THAP6: variants seen among roughly 807,000 people sequenced by gnomAD.
The protein encoded by THAP6 is THAP domain-containing protein 6.
A neutral mutation model predicts 20.0 loss-of-function variants in THAP6; 13 were observed. The observed-to-expected ratio is 0.65, with a 90% CI of 0.42 to 1.03. The LOEUF is 1.03. THAP6 is among the 50% of genes least tolerant of loss of function. The probability of loss-of-function intolerance (pLI) is 0.00; values close to 1 mark genes in which losing one functional copy is unlikely to be tolerated. For synonymous variants in THAP6, 93 were observed against 92.2 expected (o/e 1.01, Z -0.05); for missense variants, 262 against 261.6 (o/e 1.00, Z -0.01).
intron 2 of THAP6, chr4:75,542,348 T>C: frequency 2.9e-6 from 2 of 686,556 alleles, no homozygotes; most frequent in Non-Finnish European, 5.3e-6. Context: ...TATTGCATGC[T>C]CTAATAGAGC....
At chr4:75,533,010 T>G (rs1051172031), downstream of THAP6, among the ~76,000 whole-genome samples, 2 of 152,224 alleles carry the variant, frequency 1.3e-5, no homozygotes, top group African/African-American at 4.8e-5. Flanking sequence ...CCTCATTACT[T>G]ACGCAAGTTT....
At chr4:75,533,547 G>T (rs1395834104), downstream of THAP6, among the ~76,000 whole-genome samples, 1 of 152,118 alleles carries the variant, frequency 6.6e-6, no homozygotes, top group African/African-American at 2.4e-5. Flanking sequence ...CCAATTTGCT[G>T]TATTAGTCCA....
intron 2 of THAP6, among the ~76,000 whole-genome samples, chr4:75,537,183 A>G (rs1175188326): frequency 6.6e-6 from 1 of 152,044 alleles, no homozygotes; most frequent in Admixed American, 6.6e-5. Context: ...TCAGAAGTCT[A>G]GGGGGGGCAC....
At chr4:75,533,074 G>A (rs568724483), downstream of THAP6, among the ~76,000 whole-genome samples, 1 of 152,286 alleles carries the variant, frequency 6.6e-6, no homozygotes, top group South Asian at 2.1e-4. Flanking sequence ...TTTATTGCAA[G>A]TTGGGCTGCA....
chr4:75,545,301 T>C (rs961109518), intron 3 of THAP6, among the ~76,000 whole-genome samples: 4 of 152,166 alleles, frequency 2.6e-5, no homozygotes, highest in Non-Finnish European at 4.4e-5. Context: ...CTTGTTGACG[T>C]GGGCATTACT....
intron 3 of THAP6, chr4:75,517,823 G>A (rs1725760367): frequency 6.6e-6 from 1 of 152,230 alleles, no homozygotes; most frequent in South Asian, 2.1e-4. Context: ...ATATTCCCAT[G>A]GGTTGGCTGC....
Position 75,526,995 on chromosome 4 carries a change from A to T in THAP6, c.450A>T (p.Lys150Asn), listed in dbSNP as rs1726413644. Residue 150 changes from lysine (K) to asparagine (N), a missense_variant, in exon 5 of 5, where the codon AAA (lysine) becomes AAT (asparagine). By Grantham distance (94) the Lys-to-Asn change is moderately conservative. Transcript: ENST00000311638. ...HSYSVMDSPK[K>N]LKHKLDHVIG... ...ACAGTGTAATGGACAGTCCAAAGAAACTTAAGCATAAATTAGATCATGTGA... is the reference window on the plus strand; with the variant it reads ...ACAGTGTAATGGACAGTCCAAAGAATCTTAAGCATAAATTAGATCATGTGA... 6.2e-7 allele frequency: 1 copy of T among 1,614,118 alleles called. No individual in the cohort carries two copies. The highest frequency in any genetic ancestry group is 1.3e-5 in the African/African-American group (1 of 75,068).
intron 2 of THAP6, chr4:75,539,988 C>T: frequency 2.6e-6 from 4 of 1,531,390 alleles, no homozygotes; most frequent in Middle Eastern, 1.7e-4. Flanking sequence ...AAATAATCTT[C>T]CCTCTCTTGT....
At chr4:75,515,404 T>C in intron 1 of THAP6, 29 bp from the exon 2 acceptor site, 1 of 1,585,318 alleles carries the variant, frequency 6.3e-7, no homozygotes, top group Non-Finnish European at 8.7e-7. Flanking sequence ...TTCCGGTTAC[T>C]AACTCTTAAC....
chr4:75,528,052 A>G lies in THAP6; in HGVS notation c.*838A>G, dbSNP rs1726490088. The G allele has an allele frequency of 2.0e-6, 2 of 984,448 alleles. No homozygotes were observed. Among genetic ancestry groups the G allele is most frequent in the African/African-American group, 3.5e-5 (2 of 57,230 alleles). 61.0% of individuals were successfully genotyped at this position (984,448 alleles called of 1,614,324 possible). A position where few individuals can be genotyped will look rare whatever the true frequency, so the allele number is the denominator to read the frequency against. On this transcript the variant is annotated 3_prime_UTR_variant, in exon 5 of 5. Coordinates refer to ENST00000311638, the MANE Select transcript of THAP6 (RefSeq NM_144721.6). ...TAATACTGCTTTGTATTTTATATGT[A>G]AAGTAGTATTGCTGACATTTTAAAA...
At chr4:75,514,258 G>T, upstream of THAP6, 1 of 1,612,662 alleles carries the variant, frequency 6.2e-7, no homozygotes, top group Non-Finnish European at 8.5e-7. Context: ...TTGACCGCTG[G>T]CGCCATCTTC....
chr4:75,517,233 G>T (rs761947643), intron 3 of THAP6: 1 of 329,678 alleles, frequency 3.0e-6, no homozygotes, highest in Non-Finnish European at 5.6e-6. Flanking sequence ...GGCCAGGCTG[G>T]TCTTGAACTC....
At chr4:75,518,902 CT>C (rs79537921) in intron 3 of THAP6, among the ~76,000 whole-genome samples, 13,414 of 152,026 alleles carry the variant, frequency 0.088, 973 homozygotes, top group African/African-American at 0.18. Context: ...TAGAACATCA[CT>C]TTTTTTTAAC....
upstream of THAP6, chr4:75,514,314 G>T: frequency 6.3e-7 from 1 of 1,599,610 alleles, no homozygotes; most frequent in Admixed American, 1.7e-5. Flanking sequence ...ACATTCCACC[G>T]ATCCTTCCCC....
chr4:75,530,863 G>C (rs1297985787), downstream of THAP6, among the ~76,000 whole-genome samples: 1 of 152,146 alleles, frequency 6.6e-6, no homozygotes, highest in Non-Finnish European at 1.5e-5. Flanking sequence ...CTGTCATCTT[G>C]CAGGGTCTGT....
intron 4 of THAP6, among the ~76,000 whole-genome samples, chr4:75,526,057 G>C (rs79693330): frequency 0.088 from 13,444 of 152,172 alleles, 977 homozygotes; most frequent in African/African-American, 0.18. Flanking sequence ...TGGATGTTTT[G>C]CACTACCTCC....
Position 75,529,065 on chromosome 4 carries a change from C to G in THAP6, c.*1851C>G. 1 of 941,486 alleles carries G rather than the reference C, an allele frequency of 1.1e-6. No individual in the cohort carries two copies. Among genetic ancestry groups the G allele is most frequent in the Non-Finnish European group, 1.3e-6 (1 of 790,106 alleles). The allele number at this position is 941,486 out of a possible 1,614,324, so 58.3% of individuals were successfully genotyped here. A position where few individuals can be genotyped will look rare whatever the true frequency, so the allele number is the denominator to read the frequency against. On this transcript the variant is annotated 3_prime_UTR_variant, in exon 5 of 5. Transcript: ENST00000311638. ...AAGACTCCATCTCAAAAAAACAAAA[C>G]TACTTTCATTAATTACCCATTATTT...
At chr4:75,515,114 C>T (rs1011356337) in intron 1 of THAP6, 8 of 212,368 alleles carry the variant, frequency 3.8e-5, no homozygotes, top group Non-Finnish European at 4.0e-5. Flanking sequence ...CGATGCAAGC[C>T]GAGGGCTGAA....
At chr4:75,525,003 C>A (rs1321618251) in intron 4 of THAP6, among the ~76,000 whole-genome samples, 2 of 152,196 alleles carry the variant, frequency 1.3e-5, no homozygotes, top group Admixed American at 1.3e-4. Flanking sequence ...GGCGATCCCC[C>A]TGCCTCGGCC....
Sources: gnomAD v4.1 joint callset for allele counts (sites outside exome capture counted in the v4.1 genomes callset) on GRCh38, gnomAD v4.1.1 for gene constraint, MANE v1.5 for transcripts, NCBI Gene and HGNC (gene_info 2026-07-23, HGNC 2026-07-21) for gene names.